CNTN3: variants seen among roughly 807,000 people sequenced by gnomAD.
CNTN3 encodes the protein contactin 3.
Under a neutral mutation model 119.1 loss-of-function variants are expected in CNTN3, and 60 were observed. The observed-to-expected ratio is 0.50, with a 90% confidence interval of 0.41 to 0.62. CNTN3 has a LOEUF of 0.62. Among genes scored for constraint, CNTN3 ranks in the 20% least tolerant of loss-of-function variants. CNTN3 has a pLI of 0.00. For missense variants in CNTN3, 1,101 were observed against 1,242.4 expected, an observed-to-expected ratio of 0.89 and a Z score of 1.71; for synonymous variants, 450 against 438.7, an observed-to-expected ratio of 1.03 and a Z score of -0.32.
chr3:74,587,413 T>C (rs968744323), intron 1 of CNTN3, among the ~76,000 whole-genome samples: 4 of 152,002 alleles, frequency 2.6e-5, no homozygotes, highest in Non-Finnish European at 4.4e-5. Flanking sequence ...GCACAACTTA[T>C]CATGTTCCCT....
chr3:74,385,679 G>A (rs1030686141), intron 5 of CNTN3, among the ~76,000 whole-genome samples: 18 of 152,142 alleles, frequency 1.2e-4, no homozygotes, highest in African/African-American at 4.3e-4. Flanking sequence ...CCAACCTGTG[G>A]GATGTGAATT....
intron 3 of CNTN3, among the ~76,000 whole-genome samples, chr3:74,497,038 T>A (rs1423958001): frequency 6.6e-6 from 1 of 152,024 alleles, no homozygotes; most frequent in Non-Finnish European, 1.5e-5. Context: ...CATGTTTGGA[T>A]TGCCTTTAAC....
At chr3:74,272,038 A>C (rs1701787693) in intron 20 of CNTN3, among the ~76,000 whole-genome samples, 1 of 152,182 alleles carries the variant, frequency 6.6e-6, no homozygotes, top group African/African-American at 2.4e-5. Context: ...TAATAAAAAT[A>C]TGTGAGATTA....
At chr3:74,498,176 A>T (rs1703098189) in intron 3 of CNTN3, among the ~76,000 whole-genome samples, 1 of 151,818 alleles carries the variant, frequency 6.6e-6, no homozygotes, top group African/African-American at 2.4e-5. Context: ...TATCATATTT[A>T]CAGCTATGTC....
intron 1 of CNTN3, among the ~76,000 whole-genome samples, chr3:74,564,412 A>G (rs1704197397): frequency 6.6e-6 from 1 of 151,922 alleles, no homozygotes; most frequent in African/African-American, 2.4e-5. Flanking sequence ...AAATTCCAAA[A>G]ACAAGAGAAG....
At chr3:74,322,138 A>G (rs1366973813) in intron 13 of CNTN3, among the ~76,000 whole-genome samples, 1 of 146,028 alleles carries the variant, frequency 6.8e-6, no homozygotes, top group Admixed American at 7.0e-5. Flanking sequence ...GTTAGCTGAG[A>G]TTGTGACATT....
chr3:74,295,528 C>T (rs1317493968), intron 18 of CNTN3, among the ~76,000 whole-genome samples: 1 of 152,116 alleles, frequency 6.6e-6, no homozygotes, highest in Non-Finnish European at 1.5e-5. Context: ...CTGTCTTCTC[C>T]TCACCTTGTC....
At chr3:74,317,928 A>T (rs893553590) in intron 13 of CNTN3, among the ~76,000 whole-genome samples, 1 of 152,152 alleles carries the variant, frequency 6.6e-6, no homozygotes, top group Admixed American at 6.5e-5. Context: ...TATCCTGCAG[A>T]GTGTTTTCCA....
At chr3:74,561,226 G>T (rs1028958816) in intron 1 of CNTN3, among the ~76,000 whole-genome samples, 5 of 150,562 alleles carry the variant, frequency 3.3e-5, no homozygotes, top group Non-Finnish European at 7.4e-5. Flanking sequence ...AAAAAAAACT[G>T]ACAGTTAACT....
intron 1 of CNTN3, among the ~76,000 whole-genome samples, chr3:74,601,617 G>A (rs1180045683): frequency 6.6e-6 from 1 of 152,088 alleles, no homozygotes; most frequent in Non-Finnish European, 1.5e-5. Context: ...GAGGTTTGGT[G>A]GTATGACAGA....
intron 2 of CNTN3, among the ~76,000 whole-genome samples, chr3:74,508,557 C>G (rs1163135232): frequency 6.6e-6 from 1 of 152,036 alleles, no homozygotes; most frequent in Non-Finnish European, 1.5e-5. Context: ...AGTAAGCATA[C>G]AACTGATAAA....
intron 2 of CNTN3, among the ~76,000 whole-genome samples, chr3:74,519,163 T>C (rs1056601831): frequency 6.6e-6 from 1 of 151,722 alleles, no homozygotes; most frequent in African/African-American, 2.4e-5. Flanking sequence ...TATATTTGCA[T>C]GTATAATTAC....
chr3:74,412,696 TA>T (rs1172487499), intron 5 of CNTN3, among the ~76,000 whole-genome samples: 4 of 152,280 alleles, frequency 2.6e-5, no homozygotes, highest in African/African-American at 9.6e-5. Flanking sequence ...CCATACCATT[TA>T]AAAAATATTG....
chr3:74,314,708 T>A (rs975124408), intron 13 of CNTN3, among the ~76,000 whole-genome samples: 3 of 152,178 alleles, frequency 2.0e-5, no homozygotes, highest in Non-Finnish European at 4.4e-5. Context: ...ATTTGGAGAC[T>A]TCAACACCTC....
intron 5 of CNTN3, among the ~76,000 whole-genome samples, chr3:74,383,329 C>G (rs530400255): frequency 6.6e-6 from 1 of 152,054 alleles, no homozygotes; most frequent in African/African-American, 2.4e-5. Flanking sequence ...TACCAGCACA[C>G]CATTTTAAGT....
chr3:74,474,371 G>A (rs570628784), intron 4 of CNTN3, among the ~76,000 whole-genome samples: 208 of 152,228 alleles, frequency 1.4e-3, no homozygotes, highest in African/African-American at 4.6e-3. Context: ...GAAAACATAA[G>A]CTTGAGATGT....
intron 5 of CNTN3, among the ~76,000 whole-genome samples, chr3:74,376,049 C>T (rs1704467897): frequency 6.6e-6 from 1 of 152,138 alleles, no homozygotes; most frequent in Non-Finnish European, 1.5e-5. Flanking sequence ...CATACAATCA[C>T]TTGCTGGTGG....
chr3:74,273,426 C>T (rs1240602228), intron 20 of CNTN3, among the ~76,000 whole-genome samples: 5 of 152,112 alleles, frequency 3.3e-5, no homozygotes, highest in South Asian at 2.1e-4. Flanking sequence ...ACCCACAGAC[C>T]CTCTGAAGGA....
At chr3:74,450,356 G>A (rs1480627376) in intron 4 of CNTN3, among the ~76,000 whole-genome samples, 1 of 151,954 alleles carries the variant, frequency 6.6e-6, no homozygotes, top group African/African-American at 2.4e-5. Flanking sequence ...GTAAATTGGT[G>A]TAACTTTGGA....
Sources: allele counts gnomAD v4.1 joint callset (sites outside exome capture counted in the v4.1 genomes callset), GRCh38; gene constraint gnomAD v4.1.1; transcripts MANE v1.5; gene names NCBI Gene and HGNC (gene_info 2026-07-23, HGNC 2026-07-21).